The following NEGR1 variants were observed in gnomAD, a reference collection of about 807,000 sequenced individuals.
NEGR1 encodes the protein IgLON family member 4.
Under a neutral mutation model 40.9 loss-of-function variants are expected in NEGR1, and 10 were observed. The ratio of observed to expected loss-of-function variants is 0.24; its 90% CI spans 0.15 to 0.42. The LOEUF is 0.42. NEGR1 is among the 10% of genes least tolerant of loss of function. The probability of loss-of-function intolerance (pLI) is 1.00; values close to 1 mark genes in which losing one functional copy is unlikely to be tolerated. For synonymous variants in NEGR1, 185 were observed against 166.8 expected, an observed-to-expected ratio of 1.11 and a Z score of -0.84; for missense variants, 352 against 438.9, an observed-to-expected ratio of 0.80 and a Z score of 1.77.
intron 1 of NEGR1, among the ~76,000 whole-genome samples, chr1:72,255,702 C>G (rs1453064413): frequency 6.6e-6 from 1 of 152,012 alleles, no homozygotes. Flanking sequence ...AGGCATGCAC[C>G]ACCACACCCA....
intron 2 of NEGR1, among the ~76,000 whole-genome samples, chr1:71,917,579 A>G (rs957419916): frequency 4.6e-5 from 7 of 151,636 alleles, no homozygotes; most frequent in Non-Finnish European, 7.4e-5. Flanking sequence ...TCACGAGGTC[A>G]GCAAATCGAG....
intron 1 of NEGR1, among the ~76,000 whole-genome samples, chr1:72,126,088 A>AGT (rs72096511): frequency 0.024 from 3,057 of 129,330 alleles, 63 homozygotes; most frequent in South Asian, 0.051. Flanking sequence ...ATTAGAGAAA[A>AGT]GTATGTGTGT....
chr1:71,494,531 A>G (rs1033673371), intron 6 of NEGR1, among the ~76,000 whole-genome samples: 1 of 152,170 alleles, frequency 6.6e-6, no homozygotes, highest in Non-Finnish European at 1.5e-5. Flanking sequence ...CCCTGTAATA[A>G]CCCATGACTA....
At chr1:71,997,454 A>C (rs1646514988) in intron 1 of NEGR1, among the ~76,000 whole-genome samples, 1 of 152,002 alleles carries the variant, frequency 6.6e-6, no homozygotes, top group African/African-American at 2.4e-5. Context: ...CTTAAACGCA[A>C]ATGTCCAATC....
chr1:71,947,089 TACACACACACACACACACACAC>T (rs3078155), intron 1 of NEGR1, among the ~76,000 whole-genome samples: 1 of 129,148 alleles, frequency 7.7e-6, no homozygotes, highest in African/African-American at 2.8e-5. Context: ...TCCTGTCTCA[TACACACACACACACACACACAC>T]ACACACACAC....
chr1:72,265,606 G>T (rs995265543), intron 1 of NEGR1, among the ~76,000 whole-genome samples: 1 of 150,716 alleles, frequency 6.6e-6, no homozygotes, highest in Non-Finnish European at 1.5e-5. Flanking sequence ...GTAGGCACCA[G>T]AAACTAAAAG....
intron 2 of NEGR1, among the ~76,000 whole-genome samples, chr1:71,853,418 A>G (rs1475180337): frequency 1.3e-5 from 2 of 152,132 alleles, no homozygotes; most frequent in Non-Finnish European, 2.9e-5. Flanking sequence ...TTTATAAGCT[A>G]TGTTTAGAAG....
intron 4 of NEGR1, among the ~76,000 whole-genome samples, chr1:71,630,969 T>C (rs890086034): frequency 6.6e-5 from 10 of 151,936 alleles, no homozygotes; most frequent in African/African-American, 2.4e-4. Flanking sequence ...AAAGATTTGG[T>C]ATGGACAGTA....
chr1:71,559,467 T>C (rs1648370082), intron 6 of NEGR1, among the ~76,000 whole-genome samples: 1 of 151,584 alleles, frequency 6.6e-6, no homozygotes, highest in South Asian at 2.1e-4. Context: ...CATCTTGTGT[T>C]TCTCAAATAT....
rs113542485 is a variant in NEGR1 at position 72,112,301 on chromosome 1, C to T, written c.176+170018G>A. 3.3e-3 allele frequency among the ~76,000 whole-genome samples: 487 copies of T among 149,126 alleles called. 3 individuals are homozygous for T. Among genetic ancestry groups the T allele is most frequent in the African/African-American group, 0.011 (467 of 40,700 alleles). ...ATCTACCCCTTTGGCTTATTTTTCT[C>T]TACATAATTATCTGAAAATGTAAAG... is the stretch of plus-strand genomic sequence containing the variant. On this transcript the variant is annotated intron_variant, in intron 1 of 6. Coordinates refer to ENST00000357731, the MANE Select transcript of NEGR1 (RefSeq NM_173808.3).
chr1:71,988,399 C>A (rs1199107134), intron 1 of NEGR1, among the ~76,000 whole-genome samples: 1 of 151,368 alleles, frequency 6.6e-6, no homozygotes, highest in African/African-American at 2.4e-5. Flanking sequence ...ATTAGCCGGG[C>A]GCGGTGGCGG....
chr1:71,914,999 A>G (rs1215298188), intron 2 of NEGR1, among the ~76,000 whole-genome samples: 2 of 152,072 alleles, frequency 1.3e-5, no homozygotes, highest in Non-Finnish European at 2.9e-5. Flanking sequence ...TTGGGATGCT[A>G]TTAAGTCTTT....
At chr1:71,996,171 T>C (rs1229284985) in intron 1 of NEGR1, among the ~76,000 whole-genome samples, 2 of 152,148 alleles carry the variant, frequency 1.3e-5, no homozygotes, top group Non-Finnish European at 1.5e-5. Flanking sequence ...ATTTACAACA[T>C]TATAAAAATA....
At chr1:71,522,522 C>T (rs1647166067) in intron 6 of NEGR1, among the ~76,000 whole-genome samples, 1 of 151,130 alleles carries the variant, frequency 6.6e-6, no homozygotes, top group South Asian at 2.1e-4. Flanking sequence ...AGAAAAGGGA[C>T]AAAAAAAGTG....
At chr1:71,586,440 C>T (rs1168653585) in intron 6 of NEGR1, among the ~76,000 whole-genome samples, 2 of 152,140 alleles carry the variant, frequency 1.3e-5, no homozygotes, top group Non-Finnish European at 2.9e-5. Flanking sequence ...TAAGAGTTTG[C>T]ATAGGTTTTA....
intron 3 of NEGR1, among the ~76,000 whole-genome samples, chr1:71,771,128 AG>A (rs1390189354): frequency 1.3e-5 from 2 of 152,206 alleles, no homozygotes; most frequent in African/African-American, 2.4e-5. Context: ...GCCATAAAAA[AG>A]ATGAGTTAAT....
intron 1 of NEGR1, among the ~76,000 whole-genome samples, chr1:71,940,743 C>T (rs1046463802): frequency 1.3e-5 from 2 of 152,118 alleles, no homozygotes; most frequent in Admixed American, 6.5e-5. Flanking sequence ...ATACTAACTC[C>T]TGTGGTGATT....
rs35978891 is a variant in NEGR1, at chr1:71,964,824, T to TA, written c.177-29514dup. ...TGATTGTATTTATATATAATCACAT[T>TA]AAAAAAAAAAATCACTCCCTAAAGT... On this transcript the variant is annotated intron_variant, in intron 1 of 6. Coordinates refer to ENST00000357731, the MANE Select transcript of NEGR1 (RefSeq NM_173808.3). Among the ~76,000 whole-genome samples the TA allele has an allele frequency of 3.1e-4, 47 of 150,076 alleles. 1 individual carries two copies. The highest frequency in any genetic ancestry group is 5.9e-4 in the East Asian group (3 of 5,106).
chr1:72,194,799 T>C (rs999462123), intron 1 of NEGR1, among the ~76,000 whole-genome samples: 3 of 152,228 alleles, frequency 2.0e-5, no homozygotes, highest in Non-Finnish European at 4.4e-5. Flanking sequence ...AAGTAGCTTT[T>C]CAGAGTTTCT....
Sources: allele counts gnomAD v4.1 joint callset (sites outside exome capture counted in the v4.1 genomes callset), GRCh38; gene constraint gnomAD v4.1.1; transcripts MANE v1.5; gene names NCBI Gene and HGNC (gene_info 2026-07-23, HGNC 2026-07-21).